The following TFB1M variants were observed in gnomAD, a reference collection of about 807,000 sequenced individuals.
The protein encoded by TFB1M is transcription factor B1, mitochondrial, also known as dimethyladenosine transferase 1, mitochondrial.
Under a neutral mutation model 31.1 loss-of-function variants are expected in TFB1M, and 27 were observed. That is an observed-to-expected ratio of 0.87 (90% CI 0.64 to 1.20). TFB1M has a LOEUF of 1.20. Among genes scored for constraint, TFB1M ranks in the 50% most tolerant of loss-of-function variants. TFB1M has a pLI of 0.00. For synonymous variants in TFB1M, 166 were observed against 151.8 expected, an observed-to-expected ratio of 1.09 and a Z score of -0.69; for missense variants, 394 against 418.7, an observed-to-expected ratio of 0.94 and a Z score of 0.51.
At chr6:155,249,107 C>G in the TFB1M span, among the ~76,000 whole-genome samples, 2 of 152,158 alleles carry the variant, frequency 1.3e-5, no homozygotes, top group African/African-American at 4.8e-5. Flanking sequence ...ATTTAAAAAA[C>G]TTCCTTCCAA....
At chr6:155,286,301 C>T (rs1309365472) in intron 4 of TFB1M, among the ~76,000 whole-genome samples, 1 of 151,846 alleles carries the variant, frequency 6.6e-6, no homozygotes, top group Non-Finnish European at 1.5e-5. Flanking sequence ...ATATCTATGA[C>T]TTCCATGGTA....
chr6:155,230,788 T>A, the TFB1M span, among the ~76,000 whole-genome samples: 1 of 150,718 alleles, frequency 6.6e-6, no homozygotes, highest in African/African-American at 2.4e-5. Flanking sequence ...TTTATATAAG[T>A]AAATATACAT....
intron 4 of TFB1M, among the ~76,000 whole-genome samples, chr6:155,287,582 G>GTGTGTGTA (rs532523784): frequency 4.0e-4 from 60 of 151,076 alleles, no homozygotes; most frequent in Admixed American, 7.3e-4. Flanking sequence ...GTGTATGTGT[G>GTGTGTGTA]TGTGGTGTAT....
chr6:155,306,584 C>A (rs1229000393), intron 2 of TFB1M, among the ~76,000 whole-genome samples: 1 of 152,010 alleles, frequency 6.6e-6, no homozygotes, highest in African/African-American at 2.4e-5. Flanking sequence ...CATGGATGAA[C>A]TGCAAAATAA....
At chr6:155,243,922 G>T in the TFB1M span, 1 of 910,688 alleles carries the variant, frequency 1.1e-6, no homozygotes, top group Admixed American at 1.8e-5. Flanking sequence ...TGGGAGCCTT[G>T]GGAGCTGCTG....
At chr6:155,256,015 A>AG (rs1192953287), downstream of TFB1M, 1 of 155,108 alleles carries the variant, frequency 6.4e-6, no homozygotes, top group Non-Finnish European at 1.1e-5. Flanking sequence ...GTCTTTAAAA[A>AG]AAAAGGGGGG....
intron 5 of TFB1M, among the ~76,000 whole-genome samples, chr6:155,284,673 T>C (rs1776540646): frequency 6.6e-6 from 1 of 152,134 alleles, no homozygotes; most frequent in South Asian, 2.1e-4. Flanking sequence ...GCATATAATA[T>C]CAAAGCCTAG....
chr6:155,275,803 C>A (rs765325126), intron 5 of TFB1M: 2 of 1,614,092 alleles, frequency 1.2e-6, no homozygotes, highest in South Asian at 2.2e-5. Context: ...CTCTGCTGCC[C>A]AACTGGAAGG....
rs1462446462 is a variant in TFB1M at position 155,311,325 on chromosome 6, T to C, written c.148A>G (p.Lys50Glu). The change falls in exon 2 of 7, where the codon AAA (lysine) becomes GAA (glutamate). Residue 50 changes from lysine to glutamate, a missense_variant. Lys to Glu is a moderately conservative substitution (Grantham distance 56). This residue lies in a region of TFB1M where 273 missense variants were observed against 256.4 expected (regional missense o/e 1.06). Coordinates refer to ENST00000367166, the MANE Select transcript of TFB1M (RefSeq NM_016020.4). Reference protein sequence around the residue: ...DLRLTDKIVRKAGNLTNAYVY... With the variant: ...DLRLTDKIVREAGNLTNAYVY... ...TAAGCATTTGTCAGATTGCCAGCTT[T>C]CCTTACAATCTTATCTAGAGGAAAA... 1 of 1,613,992 alleles carries C rather than the reference T, an allele frequency of 6.2e-7. No individual in the cohort carries two copies. The highest frequency in any genetic ancestry group is 1.1e-5 in the South Asian group (1 of 91,074).
intron 5 of TFB1M, among the ~76,000 whole-genome samples, chr6:155,271,049 C>T (rs372676170): frequency 6.4e-4 from 98 of 152,200 alleles, no homozygotes; most frequent in African/African-American, 2.1e-3. Context: ...AAAAGAGTAT[C>T]TTGCTCAATG....
At chr6:155,258,299 T>A (rs1270141056) in intron 6 of TFB1M, among the ~76,000 whole-genome samples, 2 of 152,138 alleles carry the variant, frequency 1.3e-5, no homozygotes, top group Non-Finnish European at 1.5e-5. Context: ...AAGCACACAA[T>A]GGGAAAGCAT....
the TFB1M span, among the ~76,000 whole-genome samples, chr6:155,246,692 G>A: frequency 2.0e-5 from 3 of 152,074 alleles, no homozygotes; most frequent in Non-Finnish European, 2.9e-5. Flanking sequence ...CAATGTACTT[G>A]TCAATACATA....
intron 5 of TFB1M, among the ~76,000 whole-genome samples, chr6:155,282,970 G>A (rs867645069): frequency 2.0e-5 from 3 of 152,014 alleles, no homozygotes; most frequent in African/African-American, 4.8e-5. Flanking sequence ...CTCGTGATCC[G>A]CCCACCTCGG....
At chr6:155,291,828 C>T (rs772413006) in intron 4 of TFB1M, among the ~76,000 whole-genome samples, 6 of 152,050 alleles carry the variant, frequency 3.9e-5, no homozygotes, top group Non-Finnish European at 8.8e-5. Context: ...TAAACAGAAA[C>T]AAGGGTAAAA....
the TFB1M span, among the ~76,000 whole-genome samples, chr6:155,246,164 C>T: frequency 6.6e-6 from 1 of 151,856 alleles, no homozygotes; most frequent in African/African-American, 2.4e-5. Flanking sequence ...AAAGTAAAGT[C>T]TCTCTGGTGC....
the TFB1M span, among the ~76,000 whole-genome samples, chr6:155,241,294 T>G: frequency 6.6e-6 from 1 of 152,220 alleles, no homozygotes; most frequent in Non-Finnish European, 1.5e-5. Flanking sequence ...AAAGATTTTA[T>G]GAAGAATACT....
intron 6 of TFB1M, 67 bp downstream of exon 6, chr6:155,260,206 T>TCA: frequency 6.5e-7 from 1 of 1,549,816 alleles, no homozygotes; most frequent in Non-Finnish European, 8.9e-7. Flanking sequence ...AACAAGGTTC[T>TCA]CACTCTTAAA....
chr6:155,275,047 T>C (rs941346327), intron 5 of TFB1M, among the ~76,000 whole-genome samples: 2 of 150,292 alleles, frequency 1.3e-5, no homozygotes, highest in African/African-American at 2.5e-5. Flanking sequence ...TGAAACCCCA[T>C]CTCTACTAAA....
At chr6:155,309,826 C>A (rs1218511096) in intron 2 of TFB1M, among the ~76,000 whole-genome samples, 1 of 152,052 alleles carries the variant, frequency 6.6e-6, no homozygotes, top group African/African-American at 2.4e-5. Flanking sequence ...ATATATAATT[C>A]TTAAAATAAG....
Sources: gnomAD v4.1 joint callset for allele counts (sites outside exome capture counted in the v4.1 genomes callset) on GRCh38, gnomAD v4.1.1 for gene constraint, gnomAD v4.1.1 regional missense constraint, MANE v1.5 for transcripts, NCBI Gene and HGNC (gene_info 2026-07-23, HGNC 2026-07-21) for gene names.